Variants in INSL6 observed in about 807,000 individuals in gnomAD.
The protein encoded by INSL6 is insulin-like peptide INSL6.
Under a neutral mutation model 9.4 loss-of-function variants are expected in INSL6, and 16 were observed. The observed-to-expected ratio is 1.70, with a 90% CI of 1.15 to 2.59. The LOEUF is 2.59. Among genes scored for constraint, INSL6 ranks in the 30% most tolerant of loss-of-function variants. The pLI is 0.00. For synonymous variants in INSL6, 154 were observed against 96.9 expected, an observed-to-expected ratio of 1.59 and a Z score of -3.46; for missense variants, 391 against 257.3, an observed-to-expected ratio of 1.52 and a Z score of -3.56.
At chr9:5,129,905 A>G (rs1208932156) in intron 3 of INSL6, among the ~76,000 whole-genome samples, 1 of 152,156 alleles carries the variant, frequency 6.6e-6, no homozygotes, top group Non-Finnish European at 1.5e-5. Flanking sequence ...TTATAATCTT[A>G]CCTTTTATTT....
intron 1 of INSL6, among the ~76,000 whole-genome samples, 172 bp downstream of exon 1, chr9:5,185,142 C>G (rs918103844): frequency 6.6e-6 from 1 of 151,980 alleles, no homozygotes; most frequent in Admixed American, 6.5e-5. Flanking sequence ...AAAAAAAAAG[C>G]GCTTCATTGA....
At chr9:5,127,337 T>C (rs1183174487) in intron 3 of INSL6, 3 of 232,122 alleles carry the variant, frequency 1.3e-5, no homozygotes, top group African/African-American at 2.2e-5. Context: ...CTTTGTGTCC[T>C]TGTTCATTTA....
the INSL6 span, chr9:5,080,322 C>G: frequency 6.2e-7 from 1 of 1,613,814 alleles, no homozygotes; most frequent in Admixed American, 1.7e-5. Context: ...TTTGGTACCA[C>G]TTTGTGGGAA....
the INSL6 span, chr9:5,098,405 C>G: frequency 6.6e-6 from 1 of 152,196 alleles, no homozygotes; most frequent in African/African-American, 2.4e-5. Context: ...GAACCGCTCA[C>G]TTTCCGTGAC....
the INSL6 span, among the ~76,000 whole-genome samples, chr9:5,035,399 C>A: frequency 6.6e-6 from 1 of 152,174 alleles, no homozygotes; most frequent in Non-Finnish European, 1.5e-5. Flanking sequence ...CAGCATCATC[C>A]TGATACCAAA....
At chr9:5,184,346 C>T (rs1169500290) in intron 1 of INSL6, among the ~76,000 whole-genome samples, 1 of 152,170 alleles carries the variant, frequency 6.6e-6, no homozygotes, top group Non-Finnish European at 1.5e-5. Flanking sequence ...TATGGATACA[C>T]TATAAACAAA....
intron 1 of INSL6, among the ~76,000 whole-genome samples, chr9:5,168,379 C>G (rs1405211110): frequency 1.3e-5 from 2 of 152,098 alleles, no homozygotes; most frequent in Admixed American, 6.5e-5. Context: ...GAGAGGAAGA[C>G]AAGTAACCTG....
the INSL6 span, chr9:5,114,932 AAAAC>A: frequency 5.9e-3 from 1,051 of 178,180 alleles, 12 homozygotes; most frequent in African/African-American, 0.02. Context: ...GCCTGCTCAG[AAAAC>A]AAACAAACAA....
chr9:5,046,397 G>C, the INSL6 span, among the ~76,000 whole-genome samples: 14 of 152,148 alleles, frequency 9.2e-5, no homozygotes, highest in Non-Finnish European at 1.9e-4. Context: ...ATGGACAAAA[G>C]TTTTAAATTT....
At chr9:5,033,329 C>A in the INSL6 span, among the ~76,000 whole-genome samples, 1 of 152,128 alleles carries the variant, frequency 6.6e-6, no homozygotes, top group Admixed American at 6.5e-5. Context: ...GGATATTATC[C>A]AGGAGAACTT....
downstream of INSL6, chr9:5,122,968 G>C: frequency 7.4e-7 from 1 of 1,344,162 alleles, no homozygotes; most frequent in Non-Finnish European, 1.0e-6. Context: ...CACATATCAA[G>C]TAACTGTCTT....
At chr9:5,112,439 A>C in the INSL6 span, 1 of 522,218 alleles carries the variant, frequency 1.9e-6, no homozygotes, top group Non-Finnish European at 3.5e-6. Context: ...ACCACTCAAG[A>C]GGAGAAGAAG....
the INSL6 span, among the ~76,000 whole-genome samples, chr9:5,002,251 C>G: frequency 5.3e-5 from 8 of 151,726 alleles, no homozygotes; most frequent in Non-Finnish European, 1.0e-4. Flanking sequence ...AATTTCATAT[C>G]TTTCTTCTTT....
At chr9:5,062,369 T>C in the INSL6 span, among the ~76,000 whole-genome samples, 2 of 151,804 alleles carry the variant, frequency 1.3e-5, no homozygotes, top group Non-Finnish European at 2.9e-5. Context: ...ACAGGTATAA[T>C]AGTAATAAAG....
chr9:5,044,074 C>A, the INSL6 span, among the ~76,000 whole-genome samples: 1 of 152,214 alleles, frequency 6.6e-6, no homozygotes, highest in Non-Finnish European at 1.5e-5. Flanking sequence ...ACCAAATTAG[C>A]ATTTTCAGAT....
chr9:5,151,447 G>A (rs1824711047), intron 2 of INSL6, among the ~76,000 whole-genome samples: 1 of 151,824 alleles, frequency 6.6e-6, no homozygotes. Flanking sequence ...AAATGTTTGT[G>A]TGGTTTATAA....
the INSL6 span, among the ~76,000 whole-genome samples, chr9:5,035,883 C>T: frequency 6.6e-6 from 1 of 152,164 alleles, no homozygotes; most frequent in African/African-American, 2.4e-5. Flanking sequence ...CTGGCCAGGG[C>T]AGTCAGGCTG....
chr9:5,067,777 C>G, the INSL6 span, among the ~76,000 whole-genome samples: 1 of 152,034 alleles, frequency 6.6e-6, no homozygotes, highest in Non-Finnish European at 1.5e-5. Flanking sequence ...CAAAAATTTT[C>G]AAATATACAA....
chr9:5,040,133 A>G, the INSL6 span, among the ~76,000 whole-genome samples: 2 of 152,242 alleles, frequency 1.3e-5, no homozygotes, highest in Non-Finnish European at 2.9e-5. Context: ...AGGAATTGAC[A>G]GTCTCAATAT....
Sources: allele counts gnomAD v4.1 joint callset (sites outside exome capture counted in the v4.1 genomes callset), GRCh38; gene constraint gnomAD v4.1.1; transcripts MANE v1.5; gene names NCBI Gene and HGNC (gene_info 2026-07-23, HGNC 2026-07-21).